Variants in ATP2B1 observed in about 807,000 individuals in gnomAD.
ATP2B1 encodes the protein ATPase plasma membrane Ca2+ transporting 1.
A neutral mutation model predicts 124.2 loss-of-function variants in ATP2B1; 14 were observed. The observed-to-expected ratio is 0.11, with a 90% CI of 0.07 to 0.18. The LOEUF is 0.18. ATP2B1 is among the 10% of genes least tolerant of loss of function. ATP2B1 has a pLI of 1.00. For synonymous variants in ATP2B1, 449 were observed against 492.4 expected (o/e 0.91, Z 1.17); for missense variants, 763 against 1,466.1 (o/e 0.52, Z 7.83).
Position 89,609,536 on chromosome 12 carries a change from T to C in ATP2B1, c.2442+401A>G, listed in dbSNP as rs116344079. 2.5e-3 allele frequency among the ~76,000 whole-genome samples: 375 copies of C among 152,268 alleles called. 1 individual carries two copies. The highest frequency in any genetic ancestry group is 8.5e-3 in the African/African-American group (354 of 41,564). ...TAAAATGATGGTATTCAATTACTTT[T>C]TAAATAACTGAAGAGTAACTGAGTA... On this transcript the variant is annotated intron_variant, in intron 15 of 20. Coordinates refer to ENST00000428670, the MANE Select transcript of ATP2B1 (RefSeq NM_001366521.1).
intron 3 of ATP2B1, among the ~76,000 whole-genome samples, chr12:89,640,820 A>G (rs1489754084): frequency 1.3e-5 from 2 of 151,980 alleles, no homozygotes; most frequent in African/African-American, 2.4e-5. Context: ...CTCTCTCTCC[A>G]TGTGTTCTGC....
rs372936177 is a variant in ATP2B1 at position 89,599,163 on chromosome 12, C to T, written c.3305G>A (p.Arg1102His). Residue 1102 changes from arginine to histidine, a missense_variant, in exon 20 of 21, where the codon CGT (arginine) becomes CAT (histidine). By Grantham distance (29) the Arg-to-His change is conservative. Coordinates refer to ENST00000428670, the MANE Select transcript of ATP2B1 (RefSeq NM_001366521.1). ...ACCTCTAAACCACAAGATTTGGCCA[C>T]GCCGCAACTCCCTTTCAGCGTGATC... Reference protein sequence around the residue: ...EIDHAERELRRGQILWFRGLN... With the variant: ...EIDHAERELRHGQILWFRGLN... 3.3e-5 allele frequency: 53 copies of T among 1,614,034 alleles called. No individual in the cohort carries two copies. Among genetic ancestry groups the T allele is most frequent in the Non-Finnish European group, 4.3e-5 (51 of 1,180,036 alleles).
At chr12:89,684,273 T>G (rs1880979) in intron 1 of ATP2B1, among the ~76,000 whole-genome samples, 145,655 of 152,314 alleles carry the variant, frequency 0.96, 69,690 homozygotes, top group East Asian at 0.99. Flanking sequence ...TGAACTTTTA[T>G]AAGCACATTA....
At position 89,642,367 on chromosome 12, in the gene ATP2B1, A is replaced by G; in HGVS notation, c.209-12T>C. ...GTTTCCACTTAAACCTAATAAAAAG[A>G]AACAAATTTCAGTGAACAGTTTTAC... On this transcript the variant is annotated splice_polypyrimidine_tract_variant and intron_variant, in intron 2 of 20. Transcript: ENST00000428670. 2 of 1,593,548 alleles carry G rather than the reference A, an allele frequency of 1.3e-6. No homozygotes were observed. Among genetic ancestry groups the G allele is most frequent in the South Asian group, 1.1e-5 (1 of 87,346 alleles).
intron 1 of ATP2B1, among the ~76,000 whole-genome samples, chr12:89,675,132 T>A (rs2136563137): frequency 6.6e-6 from 1 of 152,246 alleles, no homozygotes; most frequent in South Asian, 2.1e-4. Flanking sequence ...ACAATTTTCA[T>A]TATCATCAAT....
chr12:89,616,659 T>G, intron 12 of ATP2B1, 143 bp downstream of exon 12: 1 of 706,192 alleles, frequency 1.4e-6, no homozygotes, highest in East Asian at 2.7e-5. Flanking sequence ...GTAGGTACTA[T>G]TATTTCATTT....
chr12:89,602,466 AT>A (rs1391557306), intron 18 of ATP2B1, among the ~76,000 whole-genome samples: 1 of 151,950 alleles, frequency 6.6e-6, no homozygotes, highest in Non-Finnish European at 1.5e-5. Flanking sequence ...AATTCAAGTC[AT>A]TTTCACTTCT....
chr12:89,634,335 A>G (rs1882354540), intron 5 of ATP2B1, among the ~76,000 whole-genome samples: 1 of 152,214 alleles, frequency 6.6e-6, no homozygotes, highest in Admixed American at 6.5e-5. Context: ...TAAGGATTTT[A>G]CCAGTTCTTA....
intron 1 of ATP2B1, among the ~76,000 whole-genome samples, chr12:89,680,986 G>A (rs1034098110): frequency 9.9e-5 from 15 of 152,120 alleles, no homozygotes; most frequent in African/African-American, 3.6e-4. Context: ...AAACAGTTTC[G>A]AATGTACAAG....
At chr12:89,638,102 A>C (rs923662915) in intron 3 of ATP2B1, among the ~76,000 whole-genome samples, 2 of 152,150 alleles carry the variant, frequency 1.3e-5, no homozygotes, top group African/African-American at 4.8e-5. Flanking sequence ...GTTATAGGGG[A>C]AAAAGGATCA....
intron 5 of ATP2B1, 127 bp from the exon 6 acceptor site, chr12:89,630,772 A>AATATATAAATATAT (rs1555199719): frequency 7.3e-5 from 15 of 204,396 alleles, no homozygotes; most frequent in South Asian, 3.8e-4. Context: ...TATAAATATA[A>AATATATAAATATAT]ATATATAAAT....
At chr12:89,610,740 A>G (rs1157069270) in intron 13 of ATP2B1, 3 of 469,690 alleles carry the variant, frequency 6.4e-6, no homozygotes, top group Non-Finnish European at 1.1e-5. Context: ...GGTGACTTTG[A>G]TGCATACTCA....
At chr12:89,620,767 T>C (rs1342997112) in intron 10 of ATP2B1, among the ~76,000 whole-genome samples, 1 of 152,134 alleles carries the variant, frequency 6.6e-6, no homozygotes, top group Non-Finnish European at 1.5e-5. Context: ...ATTATCACAA[T>C]GGTATTAAGG....
At chr12:89,662,163 T>A (rs1886785606) in intron 1 of ATP2B1, among the ~76,000 whole-genome samples, 1 of 151,598 alleles carries the variant, frequency 6.6e-6, no homozygotes, top group South Asian at 2.1e-4. Context: ...AACACGAGAC[T>A]GGAGTTTTAT....
intron 1 of ATP2B1, among the ~76,000 whole-genome samples, chr12:89,673,572 T>A (rs891046514): frequency 2.0e-5 from 3 of 152,204 alleles, no homozygotes; most frequent in African/African-American, 7.2e-5. Flanking sequence ...TACATTGCTA[T>A]CAACACTGTG....
intron 6 of ATP2B1, among the ~76,000 whole-genome samples, chr12:89,629,156 C>T (rs1881430301): frequency 6.6e-6 from 1 of 152,094 alleles, no homozygotes; most frequent in Non-Finnish European, 1.5e-5. Flanking sequence ...TTCCCTTCAG[C>T]GTTCAATGAC....
intron 1 of ATP2B1, among the ~76,000 whole-genome samples, chr12:89,683,390 C>CT (rs1443544454): frequency 6.6e-6 from 1 of 152,192 alleles, no homozygotes; most frequent in African/African-American, 2.4e-5. Context: ...CAGCTTCTGT[C>CT]TGACTGTCTT....
chr12:89,626,258 G>A (rs1384565062), intron 8 of ATP2B1, among the ~76,000 whole-genome samples, 196 bp downstream of exon 8: 1 of 152,102 alleles, frequency 6.6e-6, no homozygotes, highest in African/African-American at 2.4e-5. Context: ...ATCCTAACCC[G>A]ACCACTTATT....
chr12:89,702,982 T>G (rs907554119), intron 1 of ATP2B1, among the ~76,000 whole-genome samples: 2 of 152,190 alleles, frequency 1.3e-5, no homozygotes, highest in Admixed American at 1.3e-4. Flanking sequence ...CCAAAAATAT[T>G]TATTAATTTA....
Sources: allele counts gnomAD v4.1 joint callset (sites outside exome capture counted in the v4.1 genomes callset), GRCh38; gene constraint gnomAD v4.1.1; transcripts MANE v1.5; gene names NCBI Gene and HGNC (gene_info 2026-07-23, HGNC 2026-07-21).